RBPJ: variants seen among roughly 807,000 people sequenced by gnomAD.
RBPJ encodes the protein recombining binding protein suppressor of hairless.
A neutral mutation model predicts 67.8 loss-of-function variants in RBPJ; 9 were observed. The ratio of observed to expected loss-of-function variants is 0.13; its 90% confidence interval spans 0.08 to 0.23. The LOEUF is 0.23. Ranked by LOEUF, RBPJ falls within the 10% of genes least tolerant of loss-of-function variation. The pLI, the probability that RBPJ is intolerant of heterozygous loss-of-function variation, is 1.00. For synonymous variants in RBPJ, 198 were observed against 203.3 expected, an observed-to-expected ratio of 0.97 and a Z score of 0.22; for missense variants, 305 against 595.6, an observed-to-expected ratio of 0.51 and a Z score of 5.08.
chr4:26,277,918 C>T (rs184053550), intron 1 of RBPJ, among the ~76,000 whole-genome samples: 34 of 152,314 alleles, frequency 2.2e-4, no homozygotes, highest in Middle Eastern at 3.4e-3. Context: ...GTTATTTTCA[C>T]ATGTGTCAAT....
At chr4:26,307,729 A>G (rs1391679589) in intron 1 of RBPJ, among the ~76,000 whole-genome samples, 1 of 152,244 alleles carries the variant, frequency 6.6e-6, no homozygotes, top group Non-Finnish European at 1.5e-5. Context: ...TGGAAGAAAA[A>G]AAACAAACCA....
At chr4:26,119,396 G>A in the RBPJ span, among the ~76,000 whole-genome samples, 9,170 of 152,022 alleles carry the variant, frequency 0.06, 907 homozygotes, top group African/African-American at 0.21. Context: ...CTCTTCCAAT[G>A]CCAACCCAAT....
At chr4:26,242,030 C>T (rs190028957) in intron 1 of RBPJ, among the ~76,000 whole-genome samples, 1 of 152,212 alleles carries the variant, frequency 6.6e-6, no homozygotes, top group Admixed American at 6.5e-5. Context: ...TCAACAAATA[C>T]CCATTGAGAT....
At chr4:26,267,695 C>T (rs1577372730) in intron 1 of RBPJ, among the ~76,000 whole-genome samples, 1 of 152,166 alleles carries the variant, frequency 6.6e-6, no homozygotes, top group African/African-American at 2.4e-5. Context: ...GCACCCTCCA[C>T]CTCCCAGGTT....
chr4:26,121,568 C>G, the RBPJ span, among the ~76,000 whole-genome samples: 121 of 152,218 alleles, frequency 7.9e-4, no homozygotes, highest in Non-Finnish European at 1.5e-3. Context: ...CCACTGCTTC[C>G]TGACACTGCC....
intron 1 of RBPJ, among the ~76,000 whole-genome samples, chr4:26,187,368 G>A (rs1041823812): frequency 6.6e-6 from 1 of 151,962 alleles, no homozygotes; most frequent in African/African-American, 2.4e-5. Context: ...ATGTGTTAAA[G>A]TCTTTTGTTG....
chr4:26,197,741 G>A (rs2109149471), intron 1 of RBPJ, among the ~76,000 whole-genome samples: 1 of 152,148 alleles, frequency 6.6e-6, no homozygotes, highest in South Asian at 2.1e-4. Flanking sequence ...TGATGTGTAT[G>A]GGCACCCCTG....
chr4:26,316,352 C>CAT (rs1223226857), upstream of RBPJ, among the ~76,000 whole-genome samples: 2 of 144,130 alleles, frequency 1.4e-5, no homozygotes, highest in South Asian at 2.2e-4. Flanking sequence ...TATACATATT[C>CAT]ATATATACAT....
At chr4:26,213,627 C>G (rs563058957) in intron 1 of RBPJ, among the ~76,000 whole-genome samples, 1 of 152,218 alleles carries the variant, frequency 6.6e-6, no homozygotes, top group East Asian at 1.9e-4. Flanking sequence ...CAGCATGGCC[C>G]AGGAGGCCAT....
chr4:26,141,775 A>G, the RBPJ span, among the ~76,000 whole-genome samples: 1 of 152,138 alleles, frequency 6.6e-6, no homozygotes, highest in South Asian at 2.1e-4. Context: ...TTTTGCGTTC[A>G]TTCACCAACC....
At chr4:26,349,093 C>CGCGCGCGCGCGCGCGCGT (rs113326244) in intron 1 of RBPJ, among the ~76,000 whole-genome samples, 6 of 150,738 alleles carry the variant, frequency 4.0e-5, no homozygotes, top group African/African-American at 1.5e-4. Context: ...TGTGTGCGCG[C>CGCGCGCGCGCGCGCGCGT]GCGCACGCAC....
At chr4:26,214,762 GA>G (rs1237866919) in intron 1 of RBPJ, among the ~76,000 whole-genome samples, 1 of 41,048 alleles carries the variant, frequency 2.4e-5, no homozygotes, top group Non-Finnish European at 3.8e-5. Context: ...GAAAAAGAGA[GA>G]AAAAAGAGAA....
intron 7 of RBPJ, among the ~76,000 whole-genome samples, chr4:26,427,601 A>C (rs1428178519): frequency 6.6e-6 from 1 of 152,188 alleles, no homozygotes. Flanking sequence ...AAAATGAAGT[A>C]AAATGAGGAC....
At chr4:26,394,601 C>T (rs1235795084) in intron 2 of RBPJ, among the ~76,000 whole-genome samples, 1 of 152,096 alleles carries the variant, frequency 6.6e-6, no homozygotes, top group Non-Finnish European at 1.5e-5. Flanking sequence ...AGTTGCAATG[C>T]AGTTATGCAT....
intron 1 of RBPJ, among the ~76,000 whole-genome samples, chr4:26,341,091 A>G (rs1362468002): frequency 1.3e-5 from 2 of 151,982 alleles, no homozygotes; most frequent in Admixed American, 6.5e-5. Context: ...AGTTAAAGCC[A>G]TAATCATCAA....
At chr4:26,157,116 CA>C in the RBPJ span, among the ~76,000 whole-genome samples, 9 of 134,732 alleles carry the variant, frequency 6.7e-5, no homozygotes, top group African/African-American at 1.9e-4. Flanking sequence ...AACAAACAAA[CA>C]AAAAAACCCC....
At chr4:26,157,484 T>C in the RBPJ span, among the ~76,000 whole-genome samples, 10 of 152,140 alleles carry the variant, frequency 6.6e-5, no homozygotes, top group African/African-American at 2.4e-4. Context: ...TTCCTATAGA[T>C]AAATTTGATT....
At chr4:26,286,788 C>CTTT (rs755346375) in intron 1 of RBPJ, among the ~76,000 whole-genome samples, 1 of 134,938 alleles carries the variant, frequency 7.4e-6, no homozygotes, top group Non-Finnish European at 1.6e-5. Context: ...AGTAAAACCT[C>CTTT]TTTTTTTTTT....
At chr4:26,349,092 G>GCGCGCGCGCGCGTGCGCACGCA (rs1377109715) in intron 1 of RBPJ, among the ~76,000 whole-genome samples, 1 of 138,804 alleles carries the variant, frequency 7.2e-6, no homozygotes, top group Non-Finnish European at 1.6e-5. Context: ...GTGTGTGCGC[G>GCGCGCGCGCGCGTGCGCACGCA]CGCGCACGCA....
Sources: gnomAD v4.1 joint callset for allele counts (sites outside exome capture counted in the v4.1 genomes callset) on GRCh38, gnomAD v4.1.1 for gene constraint, MANE v1.5 for transcripts, NCBI Gene and HGNC (gene_info 2026-07-23, HGNC 2026-07-21) for gene names.